Variants in RIT2 observed in about 807,000 individuals in gnomAD.
RIT2 encodes the protein GTP-binding protein Rit2.
In RIT2, 24 loss-of-function variants were observed where a neutral mutation model predicts 23.7. The ratio of observed to expected loss-of-function variants is 1.01; its 90% CI spans 0.73 to 1.43. The LOEUF (loss-of-function observed/expected upper bound fraction) is 1.43. RIT2 is among the 40% of genes most tolerant of loss of function. RIT2 has a pLI of 0.00. For missense variants in RIT2, 236 were observed against 266.9 expected (o/e 0.88, Z 0.81); for synonymous variants, 107 against 91.1 (o/e 1.17, Z -0.99).
At chr18:42,922,188 C>G (rs1909071642) in intron 4 of RIT2, among the ~76,000 whole-genome samples, 1 of 152,092 alleles carries the variant, frequency 6.6e-6, no homozygotes, top group African/African-American at 2.4e-5. Flanking sequence ...AAATACGTTC[C>G]CGGTTAAACA....
intron 1 of RIT2, among the ~76,000 whole-genome samples, chr18:43,091,372 C>A (rs77365775): frequency 6.6e-6 from 1 of 152,092 alleles, no homozygotes; most frequent in South Asian, 2.1e-4. Context: ...TTGCTTTTCA[C>A]GCCAATACCA....
chr18:42,899,111 T>A (rs1908408365), intron 4 of RIT2, among the ~76,000 whole-genome samples: 1 of 151,912 alleles, frequency 6.6e-6, no homozygotes, highest in African/African-American at 2.4e-5. Flanking sequence ...ACACAATAGT[T>A]TTAGCATCTA....
chr18:43,103,547 T>A lies in RIT2; in HGVS notation c.103+11870A>T, dbSNP rs1913736514. ...GATAATAATCAGAAAGAATTTTAAG[T>A]GTTATAAAGAAGAGAGAAGATATTA... On this transcript the variant is annotated intron_variant, in intron 1 of 4. Coordinates refer to ENST00000326695, the MANE Select transcript of RIT2 (RefSeq NM_002930.4). Among the ~76,000 whole-genome samples, 5 of 152,082 alleles carry A rather than the reference T, an allele frequency of 3.3e-5. No homozygotes were observed. The South Asian group carries it at 1.0e-3, about 32-fold the overall frequency.
chr18:42,807,018 G>A lies in RIT2; in HGVS notation c.427-63298C>T, dbSNP rs567307874. Among the ~76,000 whole-genome samples the A allele has an allele frequency of 7.2e-5, 11 of 152,162 alleles. No homozygotes were observed. The South Asian group carries it at 2.3e-3, about 32-fold the overall frequency. On this transcript the variant is annotated intron_variant, in intron 4 of 4. Coordinates refer to ENST00000326695, the MANE Select transcript of RIT2 (RefSeq NM_002930.4). ...GTGATATATTTATGAAGGGTGCGTG[G>A]CTTTAAATTATATATTGTATTAATT...
At chr18:43,013,624 A>G (rs1410473310) in intron 2 of RIT2, among the ~76,000 whole-genome samples, 1 of 151,824 alleles carries the variant, frequency 6.6e-6, no homozygotes, top group Non-Finnish European at 1.5e-5. Context: ...TCTGCATTAT[A>G]CAGTGCTGAA....
chr18:42,756,127 A>G (rs191871322), intron 4 of RIT2, among the ~76,000 whole-genome samples: 205 of 152,298 alleles, frequency 1.3e-3, no homozygotes, highest in African/African-American at 4.7e-3. Context: ...GCACAATCAG[A>G]GGCAATTAGT....
At chr18:42,894,624 T>C (rs1453074929) in intron 4 of RIT2, among the ~76,000 whole-genome samples, 1 of 152,186 alleles carries the variant, frequency 6.6e-6, no homozygotes, top group Admixed American at 6.5e-5. Flanking sequence ...CTGATATTGG[T>C]AAATAGTAGA....
intron 4 of RIT2, among the ~76,000 whole-genome samples, chr18:42,774,521 A>G (rs1913623345): frequency 6.6e-6 from 1 of 152,164 alleles, no homozygotes; most frequent in Non-Finnish European, 1.5e-5. Flanking sequence ...TATTCTCACT[A>G]TCATTTCCCC....
intron 2 of RIT2, among the ~76,000 whole-genome samples, chr18:42,981,411 C>A (rs1910595377): frequency 6.6e-6 from 1 of 152,098 alleles, no homozygotes; most frequent in Admixed American, 6.6e-5. Context: ...ATCTGATGGA[C>A]CCTCGGAGAG....
At chr18:42,898,633 AT>A (rs1395177409) in intron 4 of RIT2, among the ~76,000 whole-genome samples, 1 of 152,188 alleles carries the variant, frequency 6.6e-6, no homozygotes, top group Non-Finnish European at 1.5e-5. Flanking sequence ...CCACATTCAA[AT>A]TTCACTGTTT....
chr18:43,006,047 G>GA (rs930067094), intron 2 of RIT2, among the ~76,000 whole-genome samples: 217 of 147,962 alleles, frequency 1.5e-3, no homozygotes, highest in African/African-American at 4.8e-3. Context: ...TAAACTTTTG[G>GA]AAAAAAAAAA....
chr18:43,022,523 C>G (rs192924309), intron 2 of RIT2, among the ~76,000 whole-genome samples: 33 of 152,024 alleles, frequency 2.2e-4, no homozygotes, highest in South Asian at 2.1e-3. Flanking sequence ...GTCATTTGAC[C>G]ATAACATATT....
At chr18:43,109,770 C>T (rs992820130) in intron 1 of RIT2, among the ~76,000 whole-genome samples, 3 of 152,108 alleles carry the variant, frequency 2.0e-5, no homozygotes, top group African/African-American at 7.2e-5. Flanking sequence ...TTGTGAATAA[C>T]ACTCCCTCCC....
intron 1 of RIT2, among the ~76,000 whole-genome samples, chr18:43,112,529 T>A (rs1368213481): frequency 1.3e-5 from 2 of 152,220 alleles, no homozygotes; most frequent in Non-Finnish European, 2.9e-5. Flanking sequence ...ATTTTAAATC[T>A]TGTGGGAATT....
At chr18:43,063,257 C>T (rs112881680) in intron 1 of RIT2, among the ~76,000 whole-genome samples, 2 of 152,046 alleles carry the variant, frequency 1.3e-5, no homozygotes, top group African/African-American at 4.8e-5. Flanking sequence ...AAACAAGATT[C>T]ACCATACCTG....
intron 4 of RIT2, among the ~76,000 whole-genome samples, chr18:42,900,170 C>A (rs143169420): frequency 0.011 from 1,711 of 152,052 alleles, 25 homozygotes; most frequent in Non-Finnish European, 0.016. Flanking sequence ...TAATAAGGTG[C>A]TTTTCATTCT....
At chr18:43,067,906 G>C (rs67076962) in intron 1 of RIT2, among the ~76,000 whole-genome samples, 20,311 of 152,032 alleles carry the variant, frequency 0.13, 1,831 homozygotes, top group East Asian at 0.4. Context: ...TGGAAAGGAG[G>C]GGGGCTGGAA....
intron 4 of RIT2, among the ~76,000 whole-genome samples, chr18:42,804,534 G>A (rs1452738437): frequency 4.9e-5 from 6 of 123,356 alleles, no homozygotes; most frequent in East Asian, 4.7e-4. Flanking sequence ...CAGCCTGGGC[G>A]ACAAGAGTGA....
chr18:42,907,427 G>A (rs534628460), intron 4 of RIT2, among the ~76,000 whole-genome samples: 2 of 115,932 alleles, frequency 1.7e-5, no homozygotes, highest in South Asian at 5.7e-4. Context: ...GACTGTTGAA[G>A]GGGTTGAGCA....
Sources: allele counts gnomAD v4.1 joint callset (sites outside exome capture counted in the v4.1 genomes callset), GRCh38; gene constraint gnomAD v4.1.1; transcripts MANE v1.5; gene names NCBI Gene and HGNC (gene_info 2026-07-23, HGNC 2026-07-21).